RASAL2: variants seen among roughly 807,000 people sequenced by gnomAD.
RASAL2 encodes ras GTPase-activating protein nGAP.
In RASAL2, 58 loss-of-function variants were observed where a neutral mutation model predicts 128.9. The ratio of observed to expected loss-of-function variants is 0.45; its 90% confidence interval spans 0.36 to 0.56. RASAL2 has a LOEUF of 0.56. Ranked by LOEUF, RASAL2 falls within the 20% of genes least tolerant of loss-of-function variation. The pLI, the probability that RASAL2 is intolerant of heterozygous loss-of-function variation, is 0.00. For missense variants in RASAL2, 1,360 were observed against 1,601.6 expected, an observed-to-expected ratio of 0.85 and a Z score of 2.57; for synonymous variants, 561 against 580.8, an observed-to-expected ratio of 0.97 and a Z score of 0.49.
chr1:178,096,452 A>G (rs1161503490), intron 1 of RASAL2, among the ~76,000 whole-genome samples: 1 of 123,432 alleles, frequency 8.1e-6, no homozygotes, highest in Non-Finnish European at 1.7e-5. Context: ...TGTGAAATAT[A>G]TATTGTATAT....
intron 10 of RASAL2, 22 bp from the exon 11 acceptor site, chr1:178,452,394 T>G: frequency 6.3e-7 from 1 of 1,596,502 alleles, no homozygotes; most frequent in East Asian, 2.2e-5. Flanking sequence ...TTAGAGGTTT[T>G]GGTACTTCTT....
At chr1:178,295,599 C>T (rs1026099918) in intron 2 of RASAL2, among the ~76,000 whole-genome samples, 4 of 152,066 alleles carry the variant, frequency 2.6e-5, no homozygotes, top group African/African-American at 7.2e-5. Context: ...GGCAGTGGTT[C>T]GCAACCTTAG....
At chr1:178,309,682 A>G (rs1161405891) in intron 3 of RASAL2, among the ~76,000 whole-genome samples, 4 of 152,132 alleles carry the variant, frequency 2.6e-5, no homozygotes, top group East Asian at 1.9e-4. Flanking sequence ...TCACTACACT[A>G]TGCAAGTGGA....
chr1:178,249,121 C>T (rs909765489), intron 1 of RASAL2, among the ~76,000 whole-genome samples: 1 of 152,060 alleles, frequency 6.6e-6, no homozygotes, highest in African/African-American at 2.4e-5. Context: ...CTGGATAATA[C>T]CCTAAAGTGT....
chr1:178,233,619 G>C lies in RASAL2; in HGVS notation c.203-49945G>C, dbSNP rs562942709. On this transcript the variant is annotated intron_variant, in intron 1 of 17. Transcript: ENST00000367649. The stretch of plus-strand genomic sequence containing the variant: ...GGTTAGTAATAATGCTTCTTCCTCT[G>C]CTGATGAGGTCCTTGGAACATCAAC... 4.3e-4 allele frequency among the ~76,000 whole-genome samples: 66 copies of C among 152,296 alleles called. 1 individual carries two copies. Among genetic ancestry groups the C allele is most frequent in the Non-Finnish European group, 7.2e-4 (49 of 68,014 alleles).
intron 12 of RASAL2, among the ~76,000 whole-genome samples, chr1:178,455,614 T>G (rs1019411336): frequency 6.6e-6 from 1 of 152,216 alleles, no homozygotes; most frequent in African/African-American, 2.4e-5. Context: ...TTTTCTTCAC[T>G]TTTAGAAATG....
At chr1:178,347,922 A>G (rs571000533) in intron 3 of RASAL2, among the ~76,000 whole-genome samples, 40 of 152,380 alleles carry the variant, frequency 2.6e-4, no homozygotes, top group Middle Eastern at 3.4e-3. Flanking sequence ...CAGCAGTAGA[A>G]TGAATAAATT....
intron 17 of RASAL2, among the ~76,000 whole-genome samples, chr1:178,470,417 G>T (rs1471363090): frequency 6.6e-6 from 1 of 152,200 alleles, no homozygotes; most frequent in Non-Finnish European, 1.5e-5. Context: ...ACTGCAAAAG[G>T]ATGAGCACTC....
chr1:178,155,133 T>C (rs750742928), intron 1 of RASAL2, among the ~76,000 whole-genome samples: 8 of 152,148 alleles, frequency 5.3e-5, no homozygotes, highest in Non-Finnish European at 1.2e-4. Flanking sequence ...AGATTCATAA[T>C]TATTAATTAA....
intron 3 of RASAL2, among the ~76,000 whole-genome samples, chr1:178,337,571 G>A (rs1669653194): frequency 6.6e-6 from 1 of 152,068 alleles, no homozygotes; most frequent in Non-Finnish European, 1.5e-5. Flanking sequence ...TTCAAAAGAG[G>A]AAGCACATGT....
At chr1:178,408,605 T>G (rs1435413155) in intron 4 of RASAL2, among the ~76,000 whole-genome samples, 1 of 149,570 alleles carries the variant, frequency 6.7e-6, no homozygotes, top group Non-Finnish European at 1.5e-5. Flanking sequence ...TTGGTTGGTT[T>G]TTTTTTGTTT....
chr1:178,395,375 T>C (rs182004380), intron 4 of RASAL2, among the ~76,000 whole-genome samples: 1 of 152,294 alleles, frequency 6.6e-6, no homozygotes, highest in African/African-American at 2.4e-5. Flanking sequence ...TACCTTCAAG[T>C]CTGACATAAG....
At chr1:178,225,995 C>G (rs553853776) in intron 1 of RASAL2, among the ~76,000 whole-genome samples, 1 of 152,156 alleles carries the variant, frequency 6.6e-6, no homozygotes, top group Non-Finnish European at 1.5e-5. Context: ...CTCATTTTGC[C>G]CCGAAATCTT....
intron 2 of RASAL2, among the ~76,000 whole-genome samples, chr1:178,284,349 C>A (rs917805859): frequency 7.2e-5 from 11 of 152,244 alleles, no homozygotes; most frequent in African/African-American, 2.7e-4. Flanking sequence ...CTTCTGCCTT[C>A]TGATTTCTTG....
intron 17 of RASAL2, among the ~76,000 whole-genome samples, chr1:178,468,693 T>G (rs982586807): frequency 3.3e-5 from 5 of 152,184 alleles, no homozygotes; most frequent in Admixed American, 2.6e-4. Context: ...AGAAGAAAGG[T>G]CTGTAGTAAT....
intron 1 of RASAL2, among the ~76,000 whole-genome samples, chr1:178,173,085 A>G (rs766518317): frequency 6.6e-6 from 1 of 152,092 alleles, no homozygotes; most frequent in Non-Finnish European, 1.5e-5. Context: ...ATATCCATGC[A>G]TTCCATTCTA....
chr1:178,309,437 T>G (rs948917382), intron 3 of RASAL2, among the ~76,000 whole-genome samples: 5 of 152,158 alleles, frequency 3.3e-5, no homozygotes, highest in African/African-American at 9.6e-5. Flanking sequence ...ATCAAAATCA[T>G]TATGAATAAT....
rs1012370223 is a variant in RASAL2 at position 178,408,619 on chromosome 1, G to GT, written c.565-11886dup. Among the ~76,000 whole-genome samples the GT allele has an allele frequency of 5.2e-3, 748 of 143,302 alleles. 19 individuals carry two copies. The highest frequency in any genetic ancestry group is 0.018 in the African/African-American group (657 of 35,776). The allele number at this position is 143,302 out of a possible 152,430, so 94.0% of individuals were successfully genotyped here. Reference sequence around the variant, plus strand: ...TTTGGTTGGTTTTTTTTTGTTTTTTGTTTTTTGTTTTGCTTCTCTTTTTTT... The same window carrying GT: ...TTTGGTTGGTTTTTTTTTGTTTTTTGTTTTTTTGTTTTGCTTCTCTTTTTTT... On this transcript the variant is annotated intron_variant, in intron 4 of 17. Transcript: ENST00000367649.
chr1:178,333,864 T>C (rs747824530), intron 3 of RASAL2, among the ~76,000 whole-genome samples: 1 of 152,250 alleles, frequency 6.6e-6, no homozygotes, highest in Non-Finnish European at 1.5e-5. Flanking sequence ...ATTTATTTTG[T>C]CTGTAGTTTC....
Sources: gnomAD v4.1 joint callset for allele counts (sites outside exome capture counted in the v4.1 genomes callset) on GRCh38, gnomAD v4.1.1 for gene constraint, MANE v1.5 for transcripts, NCBI Gene and HGNC (gene_info 2026-07-23, HGNC 2026-07-21) for gene names.